Variants in TTLL7 observed in about 807,000 individuals in gnomAD.
The protein encoded by TTLL7 is tubulin tyrosine ligase like 7.
TTLL7 carries 53 observed loss-of-function variants against 120.2 expected under a neutral mutation model. The observed-to-expected ratio is 0.44, with a 90% confidence interval of 0.35 to 0.55. The LOEUF is 0.55. Among genes scored for constraint, TTLL7 ranks in the 20% least tolerant of loss-of-function variants. The probability of loss-of-function intolerance (pLI) is 0.00; values close to 1 mark genes in which losing one functional copy is unlikely to be tolerated. For synonymous variants in TTLL7, 353 were observed against 351.7 expected (o/e 1.00, Z -0.04); for missense variants, 803 against 1,054.7 (o/e 0.76, Z 3.31).
At chr1:83,917,500 T>C in intron 14 of TTLL7, 104 bp downstream of exon 14, 1 of 787,400 alleles carries the variant, frequency 1.3e-6, no homozygotes, top group South Asian at 1.8e-5. Context: ...ACACAGTCCC[T>C]GTGGTTCCTT....
intron 10 of TTLL7, among the ~76,000 whole-genome samples, chr1:83,928,716 C>G (rs1659340945): frequency 6.6e-6 from 1 of 151,866 alleles, no homozygotes; most frequent in African/African-American, 2.4e-5. Flanking sequence ...CCTGAATGAA[C>G]TCTTTGTGCT....
chr1:83,953,823 A>C (rs192899917), intron 1 of TTLL7, among the ~76,000 whole-genome samples: 2 of 152,286 alleles, frequency 1.3e-5, no homozygotes, highest in South Asian at 4.2e-4. Context: ...CTAACATAAT[A>C]TATAGACATA....
chr1:83,982,771 T>G (rs1652086408), intron 1 of TTLL7, among the ~76,000 whole-genome samples: 2 of 152,170 alleles, frequency 1.3e-5, no homozygotes, highest in African/African-American at 4.8e-5. Context: ...AAAATACCAA[T>G]GTTATTTTTC....
rs933227014 is a variant in TTLL7 at position 83,948,801 on chromosome 1, T to C, written c.280-106A>G. On this transcript the variant is annotated intron_variant, in intron 4 of 20. Coordinates refer to ENST00000260505, the MANE Select transcript of TTLL7 (RefSeq NM_024686.6). ...CTTTGAGTTTTATGTTTTAATAAAC[T>C]GCCAATTATTAATCTAAAAGATTTA... 7 of 696,598 alleles carry C rather than the reference T, an allele frequency of 1.0e-5. No individual in the cohort carries two copies. The Admixed American group carries it at 1.3e-4, about 13-fold the overall frequency. The allele number at this position is 696,598 out of a possible 1,614,324, so 43.2% of individuals were successfully genotyped here. A position where few individuals can be genotyped will look rare whatever the true frequency, so the allele number is the denominator to read the frequency against.
At chr1:83,883,467 A>G (rs1654703420) in intron 19 of TTLL7, among the ~76,000 whole-genome samples, 1 of 151,814 alleles carries the variant, frequency 6.6e-6, no homozygotes, top group African/African-American at 2.4e-5. Flanking sequence ...ATGATGCACT[A>G]CAGCCTCGAA....
At position 83,866,633 on chromosome 1, in the gene TTLL7, G is replaced by A. The variant is rs901379893; in HGVS notation, c.*3329C>T. ...TTTGTATAGATCTTTGCATCTTACC[G>A]ACAACCAAGGACATTCAACTATGTT... On this transcript the variant is annotated 3_prime_UTR_variant, in exon 21 of 21. Coordinates refer to ENST00000260505, the MANE Select transcript of TTLL7 (RefSeq NM_024686.6). 6 of 151,882 alleles carry A rather than the reference G, an allele frequency of 4.0e-5. No individual in the cohort carries two copies. Among genetic ancestry groups the A allele is most frequent in the East Asian group, 1.9e-4 (1 of 5,176 alleles). 9.4% of individuals were successfully genotyped at this position (151,882 alleles called of 1,614,324 possible).
rs1654273560 is a variant in TTLL7 at position 83,879,694 on chromosome 1, A to C, written c.2543+3269T>G. Among the ~76,000 whole-genome samples the C allele has an allele frequency of 3.9e-5, 6 of 152,130 alleles. 1 individual carries two copies. Among genetic ancestry groups the C allele is most frequent in the Middle Eastern group, 6.8e-3 (2 of 294 alleles). ...AGATGATGACCATATGTCTGACTCTAGTATTTCTCTATCAAATGGTTCTGA... is the reference window on the plus strand; with the variant it reads ...AGATGATGACCATATGTCTGACTCTCGTATTTCTCTATCAAATGGTTCTGA... On this transcript the variant is annotated intron_variant, in intron 20 of 20. Transcript: ENST00000260505.
At chr1:83,891,542 A>C (rs618232) in intron 18 of TTLL7, among the ~76,000 whole-genome samples, 120,251 of 151,920 alleles carry the variant, frequency 0.79, 47,949 homozygotes, top group East Asian at 0.89. Context: ...AATTAATATC[A>C]CTATGGCCCA....
At chr1:83,941,587 T>C (rs1417580942) in intron 7 of TTLL7, among the ~76,000 whole-genome samples, 1 of 152,168 alleles carries the variant, frequency 6.6e-6, no homozygotes, top group Admixed American at 6.6e-5. Flanking sequence ...ATGGAGTTAA[T>C]TGTGTGCATA....
chr1:83,915,797 A>G (rs188554908), intron 14 of TTLL7, among the ~76,000 whole-genome samples: 100 of 151,504 alleles, frequency 6.6e-4, no homozygotes, highest in East Asian at 3.9e-3. Context: ...AATTTACAAG[A>G]AAAAAAAACA....
chr1:83,940,198 G>C (rs1001126093), intron 7 of TTLL7, among the ~76,000 whole-genome samples: 1 of 152,052 alleles, frequency 6.6e-6, no homozygotes, highest in African/African-American at 2.4e-5. Context: ...CTGGACTTAA[G>C]ATAATTATAT....
In TTLL7 at chr1:83,990,041, C is replaced by T. The variant is rs552587710; in HGVS notation, c.-177+8890G>A. ...ATGTTACTGGTTTTTGTGCATTGGT[C>T]TTTTATCCTGAAACTGTATAACAGC... On this transcript the variant is annotated intron_variant, in intron 1 of 20. Transcript: ENST00000260505. Among the ~76,000 whole-genome samples the T allele has an allele frequency of 9.9e-5, 15 of 151,684 alleles. No individual in the cohort carries two copies. The South Asian group carries it at 1.7e-3, about 17-fold the overall frequency.
chr1:83,912,625 A>G (rs1314383476), intron 14 of TTLL7: 1 of 152,196 alleles, frequency 6.6e-6, no homozygotes, highest in Non-Finnish European at 1.5e-5. Flanking sequence ...ATAAAAATAA[A>G]GACAGAAATA....
At chr1:83,947,484 T>TG (rs544178300) in intron 5 of TTLL7, 155 of 457,598 alleles carry the variant, frequency 3.4e-4, no homozygotes, top group African/African-American at 2.9e-3. Flanking sequence ...GATTCATCAG[T>TG]GAAAAAAAAA....
intron 5 of TTLL7, 111 bp from the exon 6 acceptor site, chr1:83,947,393 A>C: frequency 1.1e-6 from 1 of 950,072 alleles, no homozygotes; most frequent in South Asian, 1.7e-5. Context: ...CCATTCCTTC[A>C]TTTACTTATT....
chr1:83,871,434 G>C (rs1360110303), intron 20 of TTLL7, among the ~76,000 whole-genome samples: 1 of 152,160 alleles, frequency 6.6e-6, no homozygotes, highest in Non-Finnish European at 1.5e-5. Context: ...TATTCAAAGT[G>C]TAAGTCCTAG....
Position 83,867,902 on chromosome 1 carries a change from C to T in TTLL7, c.*2060G>A, listed in dbSNP as rs1020811263. ...TATTTAAGAATTCACAAAATGGAGT[C>T]ATAAACAGTGTAGTCACTGTAATTT... On this transcript the variant is annotated 3_prime_UTR_variant, in exon 21 of 21. Coordinates refer to ENST00000260505, the MANE Select transcript of TTLL7 (RefSeq NM_024686.6). The T allele has an allele frequency of 1.2e-4, 19 of 152,108 alleles. No homozygotes were observed. The highest frequency in any genetic ancestry group is 4.3e-4 in the African/African-American group (18 of 41,526). The allele number at this position is 152,108 out of a possible 1,614,324, so 9.4% of individuals were successfully genotyped here. A position where few individuals can be genotyped will look rare whatever the true frequency, so the allele number is the denominator to read the frequency against.
intron 13 of TTLL7, 70 bp from the exon 14 acceptor site, chr1:83,917,760 T>G (rs1263151808): frequency 8.1e-6 from 8 of 989,452 alleles, no homozygotes; most frequent in African/African-American, 1.6e-5. Flanking sequence ...TTGATTAATC[T>G]CCACAAAATA....
intron 9 of TTLL7, among the ~76,000 whole-genome samples, chr1:83,931,398 T>C (rs1318510713): frequency 2.6e-5 from 4 of 151,878 alleles, no homozygotes; most frequent in Non-Finnish European, 5.9e-5. Context: ...TTTATCTCTC[T>C]CAGCCCCCAG....
Sources: allele counts gnomAD v4.1 joint callset (sites outside exome capture counted in the v4.1 genomes callset), GRCh38; gene constraint gnomAD v4.1.1; transcripts MANE v1.5; gene names NCBI Gene and HGNC (gene_info 2026-07-23, HGNC 2026-07-21).